The following XKR3 variants were observed in gnomAD, a reference collection of about 807,000 sequenced individuals.
XKR3 encodes the protein XK related 3, also known as XK-related protein 3.
XKR3 carries 27 observed loss-of-function variants against 40.3 expected under a neutral mutation model. The observed-to-expected ratio is 0.67, with a 90% CI of 0.49 to 0.92. The LOEUF is 0.92. Ranked by LOEUF, XKR3 falls within the 40% of genes least tolerant of loss-of-function variation. XKR3 has a pLI of 0.00. For missense variants in XKR3, 472 were observed against 537.6 expected, an observed-to-expected ratio of 0.88 and a Z score of 1.21; for synonymous variants, 193 against 195.4, an observed-to-expected ratio of 0.99 and a Z score of 0.10.
chr22:16,821,051 A>G (rs2060253778), intron 1 of XKR3, among the ~76,000 whole-genome samples: 1 of 152,184 alleles, frequency 6.6e-6, no homozygotes, highest in Non-Finnish European at 1.5e-5. Context: ...AAATGGAAAT[A>G]TTATACAAAG....
At chr22:16,792,807 G>A (rs1436384359) in intron 3 of XKR3, among the ~76,000 whole-genome samples, 13 of 152,192 alleles carry the variant, frequency 8.5e-5, no homozygotes, top group Non-Finnish European at 1.5e-4. Flanking sequence ...TATCAACTCC[G>A]AAAATAAAAA....
chr22:16,822,655 G>A (rs942255119), intron 1 of XKR3, among the ~76,000 whole-genome samples: 54 of 152,216 alleles, frequency 3.5e-4, no homozygotes, highest in African/African-American at 1.1e-3. Flanking sequence ...TAAGACTGCT[G>A]GAATGGCTAT....
chr22:16,824,037 C>A (rs1381620011), intron 1 of XKR3, among the ~76,000 whole-genome samples: 1 of 152,002 alleles, frequency 6.6e-6, no homozygotes, highest in African/African-American at 2.4e-5. Flanking sequence ...ACAACAACAA[C>A]AAAATAATTT....
At chr22:16,812,532 G>A (rs966418915) in intron 1 of XKR3, among the ~76,000 whole-genome samples, 1 of 151,934 alleles carries the variant, frequency 6.6e-6, no homozygotes. Context: ...AAAATTAGCT[G>A]GGCATGGTAA....
chr22:16,800,680 C>T (rs557999540), intron 2 of XKR3, among the ~76,000 whole-genome samples: 1 of 152,144 alleles, frequency 6.6e-6, no homozygotes, highest in South Asian at 2.1e-4. Flanking sequence ...TCAAAGTAGT[C>T]CTCAAAGAAC....
Position 16,807,997 on chromosome 22 carries a change from C to A in XKR3, c.77G>T (p.Gly26Val). ...AGGAAAGCTTAGATGGAGTCTCTGG[C>A]CAAGGACTATTTCTTCTTTCGAAGA... ...VSSSKEEIVLGQRLHLSFPFS... is the reference protein window; with the variant it reads ...VSSSKEEIVLVQRLHLSFPFS... Residue 26 changes from glycine (G) to valine (V), a missense_variant, in exon 2 of 4, where the codon GGC (glycine) becomes GTC (valine). Coordinates refer to ENST00000684488, the MANE Select transcript of XKR3 (RefSeq NM_001386955.1). 1 of 1,613,868 alleles carries A rather than the reference C, an allele frequency of 6.2e-7. No individual in the cohort carries two copies.
At chr22:16,811,119 CT>C (rs5844282) in intron 1 of XKR3, among the ~76,000 whole-genome samples, 37,379 of 134,664 alleles carry the variant, frequency 0.28, 4,770 homozygotes, top group Middle Eastern at 0.34. Context: ...TCACTTTCTT[CT>C]TTTTTTTTTT....
chr22:16,813,493 T>G (rs772430806), intron 1 of XKR3, among the ~76,000 whole-genome samples: 5 of 152,162 alleles, frequency 3.3e-5, no homozygotes, highest in Non-Finnish European at 7.4e-5. Flanking sequence ...TTAAGTAATT[T>G]GTCCAAATTC....
chr22:16,784,010 G>T lies in XKR3; in HGVS notation c.989C>A (p.Ser330Ter). The change falls in exon 4 of 4, where the codon TCA (serine) becomes TAA (stop). Residue 330 changes from serine (S) to a stop codon, truncating the protein, a stop_gained. Transcript: ENST00000684488. LOFTEE classifies it high-confidence loss of function. The part of the protein sequence containing the change: ...SCWSAVKLQL[S>*]DDKIIDGRQR... ...TCTCCCGTCAATTATTTTGTCATCT[G>T]ACAACTGCAGTTTCACTGCTGACCA... 1 of 1,614,208 alleles carries T rather than the reference G, an allele frequency of 6.2e-7. No individual in the cohort carries two copies. The highest frequency in any genetic ancestry group is 1.1e-5 in the South Asian group (1 of 91,080).
intron 1 of XKR3, among the ~76,000 whole-genome samples, chr22:16,820,714 A>T (rs1286088729): frequency 6.8e-6 from 1 of 147,442 alleles, no homozygotes; most frequent in Non-Finnish European, 1.5e-5. Flanking sequence ...CTTAACAAAA[A>T]AACAGTTGCA....
At chr22:16,815,330 T>A (rs1390381116) in intron 1 of XKR3, among the ~76,000 whole-genome samples, 2 of 152,088 alleles carry the variant, frequency 1.3e-5, no homozygotes, top group Admixed American at 1.3e-4. Flanking sequence ...TCTTCTCATA[T>A]ATTGCTGGAT....
At chr22:16,790,119 T>A (rs2060107856) in intron 3 of XKR3, among the ~76,000 whole-genome samples, 1 of 152,136 alleles carries the variant, frequency 6.6e-6, no homozygotes, top group East Asian at 1.9e-4. Context: ...CCCTAGGCAA[T>A]ACAGTGAGAC....
intron 1 of XKR3, among the ~76,000 whole-genome samples, chr22:16,811,119 CTTT>C (rs5844282): frequency 5.2e-5 from 7 of 134,912 alleles, no homozygotes; most frequent in Admixed American, 1.5e-4. Context: ...TCACTTTCTT[CTTT>C]TTTTTTTTTT....
At chr22:16,797,691 G>T (rs1183790476) in intron 3 of XKR3, among the ~76,000 whole-genome samples, 1 of 151,570 alleles carries the variant, frequency 6.6e-6, no homozygotes, top group East Asian at 1.9e-4. Context: ...TGCTTGGGAG[G>T]GTGAGGCAGA....
intron 1 of XKR3, among the ~76,000 whole-genome samples, chr22:16,808,664 T>C (rs1487380414): frequency 5.3e-5 from 8 of 152,206 alleles, no homozygotes; most frequent in Non-Finnish European, 1.0e-4. Flanking sequence ...TTTAAATAGA[T>C]GTAAAATCCA....
chr22:16,804,901 G>A (rs1229067614), intron 2 of XKR3, among the ~76,000 whole-genome samples: 3 of 152,076 alleles, frequency 2.0e-5, no homozygotes, highest in African/African-American at 4.8e-5. Flanking sequence ...GACTTCCTGG[G>A]AACAGTATCA....
intron 2 of XKR3, among the ~76,000 whole-genome samples, chr22:16,806,157 G>T (rs2060188376): frequency 6.6e-6 from 1 of 151,898 alleles, no homozygotes; most frequent in Admixed American, 6.6e-5. Flanking sequence ...TACTTGGAAG[G>T]CTGAGACAGG....
rs1769579680 is a variant in XKR3, at chr22:16,812,879, T to C, written c.-10-4796A>G. ...CATTTTCTGTCTCTGTGGATTTGCC[T>C]ATTACAGACACTTAATATAAACAGA... On this transcript the variant is annotated intron_variant, in intron 1 of 3. Coordinates refer to ENST00000684488, the MANE Select transcript of XKR3 (RefSeq NM_001386955.1). Among the ~76,000 whole-genome samples, 3 of 152,296 alleles carry C rather than the reference T, an allele frequency of 2.0e-5. No homozygotes were observed. In the South Asian group the frequency reaches 6.2e-4, roughly 32 times the overall value.
chr22:16,797,351 A>C (rs866583689), intron 3 of XKR3, among the ~76,000 whole-genome samples: 1 of 152,232 alleles, frequency 6.6e-6, no homozygotes, highest in Non-Finnish European at 1.5e-5. Flanking sequence ...GGTTTTCCGC[A>C]CAGCAAAAGA....
Sources: gnomAD v4.1 joint callset for allele counts (sites outside exome capture counted in the v4.1 genomes callset) on GRCh38, gnomAD v4.1.1 for gene constraint, MANE v1.5 for transcripts, NCBI Gene and HGNC (gene_info 2026-07-23, HGNC 2026-07-21) for gene names.